UGT2A1: variants seen among roughly 807,000 people sequenced by gnomAD.
UGT2A1 encodes the protein UDP glucuronosyltransferase family 2 member A1 complex locus.
A neutral mutation model predicts 45.4 loss-of-function variants in UGT2A1; 61 were observed. That is an observed-to-expected ratio of 1.34 (90% CI 1.09 to 1.66). UGT2A1 has a LOEUF of 1.66. UGT2A1 is among the 40% of genes most tolerant of loss of function. The pLI is 0.00. For synonymous variants in UGT2A1, 229 were observed against 196.2 expected (o/e 1.17, Z -1.40); for missense variants, 649 against 574.3 (o/e 1.13, Z -1.33).
chr4:69,589,695 T>C, intron 6 of UGT2A1, 44 bp from the exon 7 acceptor site: 1 of 1,561,414 alleles, frequency 6.4e-7, no homozygotes, highest in Non-Finnish European at 8.7e-7. Context: ...ATTTTTGTTT[T>C]TATTTTCATT....
At chr4:69,613,346 C>T (rs772431111) in intron 3 of UGT2A1, among the ~76,000 whole-genome samples, 1 of 151,930 alleles carries the variant, frequency 6.6e-6, no homozygotes, top group Admixed American at 6.6e-5. Context: ...GATAAAAATT[C>T]TCCTATCCAA....
chr4:69,616,532 A>G (rs1720397081), intron 3 of UGT2A1, among the ~76,000 whole-genome samples: 1 of 151,972 alleles, frequency 6.6e-6, no homozygotes, highest in South Asian at 2.1e-4. Flanking sequence ...ATTAAAAATG[A>G]AAACTTAAAC....
chr4:69,617,498 G>A (rs1331012846), intron 3 of UGT2A1, among the ~76,000 whole-genome samples: 1 of 151,718 alleles, frequency 6.6e-6, no homozygotes, highest in Non-Finnish European at 1.5e-5. Flanking sequence ...AAACCAAGAT[G>A]AACACACACA....
At position 69,647,530 on chromosome 4, in the gene UGT2A1, T is replaced by G. The variant is rs1403573015; in HGVS notation, c.115A>C (p.Ile39Leu). ...TCCTTTTTAATGAGCTCATCTATAA[T>G]TATCTTAACATTTAGCCAATGACTA... ...EGSHWLNVKI[I>L]IDELIKKEHN... is the part of the protein sequence containing the mutation. Residue 39 changes from isoleucine (I) to leucine (L), a missense_variant, in exon 2 of 7, where the codon ATT (isoleucine) becomes CTT (leucine). Transcript: ENST00000286604. The G allele has an allele frequency of 7.4e-6, 12 of 1,612,842 alleles. No individual in the cohort carries two copies. Among genetic ancestry groups the G allele is most frequent in the Non-Finnish European group, 1.0e-5 (12 of 1,179,256 alleles).
intron 2 of UGT2A1, among the ~76,000 whole-genome samples, chr4:69,636,070 G>A (rs1249350488): frequency 6.6e-6 from 1 of 152,044 alleles, no homozygotes; most frequent in East Asian, 1.9e-4. Flanking sequence ...CACTGATATA[G>A]AAAACAAGTT....
chr4:69,594,404 A>G, intron 6 of UGT2A1, 73 bp downstream of exon 6: 1 of 1,548,584 alleles, frequency 6.5e-7, no homozygotes, highest in Non-Finnish European at 8.7e-7. Context: ...AAAGTATAAA[A>G]GAATGTACAT....
chr4:69,603,183 G>A (rs114876842), intron 3 of UGT2A1, among the ~76,000 whole-genome samples: 2,384 of 136,062 alleles, frequency 0.018, 632 homozygotes, highest in African/African-American at 0.068. Flanking sequence ...AAATCCATAC[G>A]GAAAAGCAAA....
At chr4:69,638,976 G>T in intron 2 of UGT2A1, 1 of 1,613,044 alleles carries the variant, frequency 6.2e-7, no homozygotes, top group Non-Finnish European at 8.5e-7. Flanking sequence ...ATAAGATATG[G>T]TATTTTTAAT....
In UGT2A1 at chr4:69,589,344, AAT is replaced by A; in HGVS notation, c.*26_*27del. ...TACTCAGGATTTTGCCAAACTTAAA[AAT>A]ATATATATTTCCTCTTTTTCTTGAC... On this transcript the variant is annotated 3_prime_UTR_variant, in exon 7 of 7. Coordinates refer to ENST00000286604, the MANE Select transcript of UGT2A1 (RefSeq NM_001252275.3). 6.4e-7 allele frequency: 1 copy of A among 1,569,998 alleles called. No individual in the cohort carries two copies. Among genetic ancestry groups the A allele is most frequent in the Non-Finnish European group, 8.6e-7 (1 of 1,159,396 alleles).
chr4:69,648,319 T>A (rs1722376282), intron 1 of UGT2A1, among the ~76,000 whole-genome samples: 1 of 151,180 alleles, frequency 6.6e-6, no homozygotes, highest in East Asian at 1.9e-4. Flanking sequence ...CAAGAAAATA[T>A]TATAAATAAA....
At chr4:69,593,572 T>C (rs1284460257) in intron 6 of UGT2A1, among the ~76,000 whole-genome samples, 3 of 151,376 alleles carry the variant, frequency 2.0e-5, no homozygotes, top group Non-Finnish European at 4.4e-5. Flanking sequence ...ATATATATAA[T>C]ATACTAAGCT....
At chr4:69,652,515 C>T (rs2109986658) in intron 1 of UGT2A1, among the ~76,000 whole-genome samples, 1 of 152,084 alleles carries the variant, frequency 6.6e-6, no homozygotes, top group East Asian at 1.9e-4. Flanking sequence ...AGGTGATCCA[C>T]CCTCCTCGGC....
At chr4:69,645,370 C>A (rs1409848256) in intron 2 of UGT2A1, among the ~76,000 whole-genome samples, 1 of 151,690 alleles carries the variant, frequency 6.6e-6, no homozygotes, top group East Asian at 1.9e-4. Flanking sequence ...ATTCTAAAAT[C>A]CTTTCAGATG....
chr4:69,597,305 G>A (rs1340441912), intron 4 of UGT2A1, among the ~76,000 whole-genome samples: 2 of 152,274 alleles, frequency 1.3e-5, no homozygotes, highest in South Asian at 4.1e-4. Flanking sequence ...TCTTCTTGAT[G>A]TATAAGCTGC....
chr4:69,617,417 T>C (rs1412353829), intron 3 of UGT2A1, among the ~76,000 whole-genome samples: 3 of 151,968 alleles, frequency 2.0e-5, no homozygotes, highest in African/African-American at 7.2e-5. Context: ...AGATATAATA[T>C]ATATGTTTAT....
intron 1 of UGT2A1, among the ~76,000 whole-genome samples, chr4:69,652,336 TG>T (rs1250711442): frequency 1.4e-5 from 2 of 140,912 alleles, no homozygotes; most frequent in Non-Finnish European, 3.0e-5. Flanking sequence ...CAAGCTGGAG[TG>T]CAAGGGCATA....
At chr4:69,649,520 G>A (rs972728426) in intron 1 of UGT2A1, among the ~76,000 whole-genome samples, 8 of 152,046 alleles carry the variant, frequency 5.3e-5, no homozygotes, top group African/African-American at 1.9e-4. Context: ...AGGTGCTATT[G>A]AGAGAGGAGA....
chr4:69,589,010 C>T lies in UGT2A1; in HGVS notation c.*362G>A. On this transcript the variant is annotated 3_prime_UTR_variant, in exon 7 of 7. Transcript: ENST00000286604. ...TATCAAATTCCATCTACACTGTATG[C>T]ATTACCAGGATTCAGCATATTGTTA... is the stretch of plus-strand genomic sequence containing the variant. 5.6e-6 allele frequency: 1 copy of T among 178,258 alleles called. No individual in the cohort carries two copies. The highest frequency in any genetic ancestry group is 1.2e-5 in the Non-Finnish European group (1 of 82,756). The allele number at this position is 178,258 out of a possible 1,614,324, so 11.0% of individuals were successfully genotyped here.
At chr4:69,593,899 G>GA (rs760320569) in intron 6 of UGT2A1, among the ~76,000 whole-genome samples, 2 of 146,592 alleles carry the variant, frequency 1.4e-5, no homozygotes, top group East Asian at 2.0e-4. Flanking sequence ...AGATTATCCA[G>GA]AAAAAATGAG....
Sources: gnomAD v4.1 joint callset for allele counts (sites outside exome capture counted in the v4.1 genomes callset) on GRCh38, gnomAD v4.1.1 for gene constraint, MANE v1.5 for transcripts, NCBI Gene and HGNC (gene_info 2026-07-23, HGNC 2026-07-21) for gene names.